Variants in PMP22 observed in about 807,000 individuals in gnomAD.
PMP22 encodes the protein peripheral myelin protein 22.
PMP22 carries 2 observed loss-of-function variants against 18.9 expected under a neutral mutation model. The ratio of observed to expected loss-of-function variants is 0.11; its 90% confidence interval spans 0.04 to 0.33. The LOEUF is 0.33. PMP22 is among the 10% of genes least tolerant of loss of function. The pLI is 1.00. For missense variants in PMP22, 169 were observed against 202.2 expected, an observed-to-expected ratio of 0.84 and a Z score of 1.00; for synonymous variants, 95 against 89.2, an observed-to-expected ratio of 1.07 and a Z score of -0.37.
At position 15,237,784 on chromosome 17, in the gene PMP22, A is replaced by G. The variant is rs570383996; in HGVS notation, c.319+1687T>C. Among the ~76,000 whole-genome samples, 13 of 152,304 alleles carry G rather than the reference A, an allele frequency of 8.5e-5. No homozygotes were observed. The South Asian group carries it at 2.7e-3, about 32-fold the overall frequency. On this transcript the variant is annotated intron_variant, in intron 4 of 4. Coordinates refer to ENST00000312280, the MANE Select transcript of PMP22 (RefSeq NM_000304.4). ...GTACAAATAAAATGTAATTTTTTTC[A>G]CATCAGATGGGTAACGTGCCAAATC...
At position 15,239,520 on chromosome 17, in the gene PMP22, G is replaced by A; in HGVS notation, c.270C>T (p.Leu90=). Residue 90 remains leucine, a synonymous_variant, in exon 4 of 5, where the codon CTC becomes CTT. Coordinates refer to ENST00000312280, the MANE Select transcript of PMP22 (RefSeq NM_000304.4). ...TGATGTAAAACCTGCCCCCCTTGGT[G>A]AGGGTGAAGAGTTGGCAGAAGAACA... The part of the protein sequence containing the change: ...LFLFFCQLFT[L]TKGGRFYITG... 6.2e-7 allele frequency: 1 copy of A among 1,614,122 alleles called. No homozygotes were observed. The highest frequency in any genetic ancestry group is 8.5e-7 in the Non-Finnish European group (1 of 1,179,956).
At position 15,238,083 on chromosome 17, in the gene PMP22, G is replaced by A. The variant is rs114752902; in HGVS notation, c.319+1388C>T. The stretch of plus-strand genomic sequence containing the variant: ...AGTAAGGGTAACTCTTCACTTTAAC[G>A]TACCTAGAAATGATATCTCCTTGCA... On this transcript the variant is annotated intron_variant, in intron 4 of 4. Transcript: ENST00000312280. Among the ~76,000 whole-genome samples, 602 of 151,930 alleles carry A rather than the reference G, an allele frequency of 4.0e-3. 5 individuals carry two copies. The highest frequency in any genetic ancestry group is 0.014 in the African/African-American group (578 of 41,442).
At chr17:15,246,904 T>C (rs1314521128) in intron 3 of PMP22, among the ~76,000 whole-genome samples, 5 of 150,564 alleles carry the variant, frequency 3.3e-5, no homozygotes, top group African/African-American at 1.2e-4. Flanking sequence ...ACCCCGTCTC[T>C]ACTAAAAATA....
chr17:15,250,889 C>T (rs1202881251), intron 3 of PMP22, among the ~76,000 whole-genome samples: 1 of 152,194 alleles, frequency 6.6e-6, no homozygotes, highest in African/African-American at 2.4e-5. Flanking sequence ...TGGACTATGA[C>T]CACAAACTCC....
chr17:15,265,151 C>T lies in PMP22; in HGVS notation c.-35+3G>A, dbSNP rs1909626218. 2 of 152,118 alleles carry T rather than the reference C, an allele frequency of 1.3e-5. No homozygotes were observed. Among genetic ancestry groups the T allele is most frequent in the African/African-American group, 4.8e-5 (2 of 41,414 alleles). The allele number at this position is 152,118 out of a possible 1,614,324, so 9.4% of individuals were successfully genotyped here. A position where few individuals can be genotyped will look rare whatever the true frequency, so the allele number is the denominator to read the frequency against. On this transcript the variant is annotated splice_donor_region_variant and intron_variant, in intron 1 of 4. Transcript: ENST00000312280. ...AGAGGCACAGTTTGCCAATAAAACT[C>T]ACCCGGCCAAACAGCGTAACCCCTT...
intron 2 of PMP22, 101 bp from the exon 3 acceptor site, chr17:15,259,294 C>A: frequency 1.2e-6 from 1 of 854,820 alleles, no homozygotes. Context: ...CACCCGCATC[C>A]ACCTAGCCAC....
intron 3 of PMP22, among the ~76,000 whole-genome samples, chr17:15,248,322 G>C (rs1488247620): frequency 1.3e-5 from 2 of 152,232 alleles, no homozygotes; most frequent in African/African-American, 4.8e-5. Context: ...ATTTTAGCTA[G>C]AGCAAAGCCT....
At chr17:15,259,803 G>T (rs1189643609) in intron 2 of PMP22, among the ~76,000 whole-genome samples, 1 of 150,790 alleles carries the variant, frequency 6.6e-6, no homozygotes, top group Admixed American at 6.6e-5. Flanking sequence ...AAAAAAATTA[G>T]CCAGGCGTGG....
chr17:15,255,067 G>A (rs1335419894), intron 3 of PMP22, among the ~76,000 whole-genome samples: 2 of 152,164 alleles, frequency 1.3e-5, no homozygotes, highest in African/African-American at 4.8e-5. Flanking sequence ...GAGAATGGTG[G>A]GGTGGCTGAC....
intron 2 of PMP22, 138 bp downstream of exon 2, chr17:15,260,512 T>G: frequency 1.3e-6 from 1 of 763,898 alleles, no homozygotes; most frequent in Admixed American, 2.0e-5. Context: ...AGGGGGCAGA[T>G]TGCCAGAAAC....
At chr17:15,240,136 T>C (rs558340328) in intron 3 of PMP22, among the ~76,000 whole-genome samples, 2 of 152,310 alleles carry the variant, frequency 1.3e-5, no homozygotes, top group East Asian at 3.9e-4. Flanking sequence ...TATGTACATG[T>C]GTCTGTGTTA....
At chr17:15,244,943 G>C (rs953465437) in intron 3 of PMP22, among the ~76,000 whole-genome samples, 1 of 152,166 alleles carries the variant, frequency 6.6e-6, no homozygotes, top group African/African-American at 2.4e-5. Context: ...AACAGATGCA[G>C]CACTCTATTG....
At chr17:15,253,871 TG>T (rs1417233656) in intron 3 of PMP22, among the ~76,000 whole-genome samples, 1 of 152,192 alleles carries the variant, frequency 6.6e-6, no homozygotes, top group Non-Finnish European at 1.5e-5. Context: ...TTCTTACCAT[TG>T]CCCCCAAATT....
At position 15,239,531 on chromosome 17, in the gene PMP22, G is replaced by C; in HGVS notation, c.259C>G (p.Leu87Val). Reference protein sequence around the residue: ...ILSLFLFFCQLFTLTKGGRFY... With the variant: ...ILSLFLFFCQVFTLTKGGRFY... ...CTGCCCCCCTTGGTGAGGGTGAAGA[G>C]TTGGCAGAAGAACAGGAACAGAGAC... Residue 87 changes from leucine (L) to valine (V), a missense_variant, in exon 4 of 5, where the codon CTC becomes GTC. Leu to Val is a conservative substitution (Grantham distance 32). Coordinates refer to ENST00000312280, the MANE Select transcript of PMP22 (RefSeq NM_000304.4). The C allele has an allele frequency of 6.2e-7, 1 of 1,614,068 alleles. No individual in the cohort carries two copies. The highest frequency in any genetic ancestry group is 8.5e-7 in the Non-Finnish European group (1 of 1,179,914).
At position 15,249,284 on chromosome 17, in the gene PMP22, A is replaced by G. The variant is rs1908118494; in HGVS notation, c.179-9673T>C. The stretch of plus-strand genomic sequence containing the variant: ...GAACAGAGGCTCCGGGACCCATGCA[A>G]TGTGCAGGTCCTACCTCAACTTCAG... On this transcript the variant is annotated intron_variant, in intron 3 of 4. Transcript: ENST00000312280. 2.0e-5 allele frequency among the ~76,000 whole-genome samples: 3 copies of G among 152,206 alleles called. No individual in the cohort carries two copies. In the South Asian group the frequency reaches 6.2e-4, roughly 32 times the overall value.
Position 15,258,290 on chromosome 17 carries a change from C to T in PMP22, c.178+804G>A, listed in dbSNP as rs1188391183. 6.6e-6 allele frequency among the ~76,000 whole-genome samples: 1 copy of T among 152,112 alleles called. No homozygotes were observed. The highest frequency in any genetic ancestry group is 2.4e-5 in the African/African-American group (1 of 41,410). On this transcript the variant is annotated intron_variant, in intron 3 of 4. Coordinates refer to ENST00000312280, the MANE Select transcript of PMP22 (RefSeq NM_000304.4). This position sits in a 1 kb window ranked among gnomAD's most constrained non-coding sequence, Gnocchi z 4.1. ...CTTAACATCAATCGCTATGGCCTAC[C>T]CAGCCACCAAAACAGCTCATCCTGT...
At chr17:15,231,198 A>C in intron 4 of PMP22, 118 bp from the exon 5 acceptor site, 1 of 1,004,212 alleles carries the variant, frequency 1.0e-6, no homozygotes, top group Admixed American at 2.0e-5. Context: ...CTCTGGAAGG[A>C]AATCTGCTTC....
chr17:15,232,483 T>C (rs1383288313), intron 4 of PMP22: 1 of 152,222 alleles, frequency 6.6e-6, no homozygotes, highest in African/African-American at 2.4e-5. Flanking sequence ...TTATTTGCCT[T>C]GAGGTCCAGG....
At chr17:15,262,780 G>C (rs1327556213) in intron 1 of PMP22, among the ~76,000 whole-genome samples, 1 of 152,234 alleles carries the variant, frequency 6.6e-6, no homozygotes, top group Non-Finnish European at 1.5e-5. Flanking sequence ...AGGCGGCTGA[G>C]CTTTCTCACC....
Sources: allele counts gnomAD v4.1 joint callset (sites outside exome capture counted in the v4.1 genomes callset), GRCh38; gene constraint gnomAD v4.1.1; non-coding constraint Gnocchi (gnomAD v3.1); transcripts MANE v1.5; gene names NCBI Gene and HGNC (gene_info 2026-07-23, HGNC 2026-07-21).